The following MACROD2 variants were observed in gnomAD, a reference collection of about 807,000 sequenced individuals.
The protein encoded by MACROD2 is mono-ADP ribosylhydrolase 2.
A neutral mutation model predicts 70.4 loss-of-function variants in MACROD2; 36 were observed. The observed-to-expected ratio is 0.51, with a 90% CI of 0.39 to 0.68. The LOEUF (loss-of-function observed/expected upper bound fraction) is 0.68. MACROD2 is among the 30% of genes least tolerant of loss of function. MACROD2 has a pLI of 0.00. For missense variants in MACROD2, 496 were observed against 538.4 expected (o/e 0.92, Z 0.78); for synonymous variants, 172 against 178.8 (o/e 0.96, Z 0.30).
chr20:15,787,413 A>G (rs890373409), intron 8 of MACROD2, among the ~76,000 whole-genome samples: 5 of 152,168 alleles, frequency 3.3e-5, no homozygotes, highest in African/African-American at 9.7e-5. Context: ...CCATCACTCA[A>G]ATAGTGAACA....
intron 8 of MACROD2, among the ~76,000 whole-genome samples, chr20:15,714,459 CAA>C (rs1025308414): frequency 1.3e-5 from 2 of 152,006 alleles, no homozygotes; most frequent in Non-Finnish European, 2.9e-5. Flanking sequence ...AGCCAGAAGC[CAA>C]AGATACTTAA....
At chr20:15,770,049 T>C (rs2051595858) in intron 8 of MACROD2, among the ~76,000 whole-genome samples, 3 of 151,676 alleles carry the variant, frequency 2.0e-5, no homozygotes, top group African/African-American at 4.8e-5. Context: ...TGCTAGGTTT[T>C]CTTGCCCATA....
intron 6 of MACROD2, among the ~76,000 whole-genome samples, chr20:15,366,255 T>C (rs1445882824): frequency 1.3e-5 from 2 of 152,194 alleles, no homozygotes; most frequent in East Asian, 3.8e-4. Flanking sequence ...ATCTCCTTTT[T>C]TTCAGTAATT....
At chr20:15,390,224 CAG>C (rs1432402261) in intron 6 of MACROD2, among the ~76,000 whole-genome samples, 6 of 152,264 alleles carry the variant, frequency 3.9e-5, no homozygotes, top group Admixed American at 3.3e-4. Flanking sequence ...ACTATTACGG[CAG>C]AGTCCCCTCC....
chr20:15,417,465 G>A (rs1473610621), intron 6 of MACROD2, among the ~76,000 whole-genome samples: 1 of 151,546 alleles, frequency 6.6e-6, no homozygotes, highest in Non-Finnish European at 1.5e-5. Flanking sequence ...GGGTATGCTG[G>A]TGCGTGCCTG....
At chr20:14,348,261 T>A (rs1189395386) in intron 3 of MACROD2, among the ~76,000 whole-genome samples, 6 of 114,796 alleles carry the variant, frequency 5.2e-5, no homozygotes, top group Non-Finnish European at 1.1e-4. Flanking sequence ...AGAGCAAGAC[T>A]CCGTCTCAAA....
Position 15,457,925 on chromosome 20 carries a change from G to C in MACROD2, c.571+26490G>C, listed in dbSNP as rs534895629. 2.1e-3 allele frequency among the ~76,000 whole-genome samples: 310 copies of C among 149,920 alleles called. 2 individuals are homozygous for C. The highest frequency in any genetic ancestry group is 3.0e-3 in the Non-Finnish European group (205 of 67,648). On this transcript the variant is annotated intron_variant, in intron 7 of 17. Coordinates refer to ENST00000684519, the MANE Select transcript of MACROD2 (RefSeq NM_001351661.2). ...GAGATAACATAATATAACCTAACAG[G>C]GTTGTTCTTTCTGCACCTTAAATGA...
intron 5 of MACROD2, among the ~76,000 whole-genome samples, chr20:14,845,179 T>A (rs946290887): frequency 6.6e-6 from 1 of 152,148 alleles, no homozygotes; most frequent in Non-Finnish European, 1.5e-5. Context: ...GTATGTAATT[T>A]AAAAAATTAC....
intron 2 of MACROD2, among the ~76,000 whole-genome samples, chr20:14,022,027 C>G (rs2053089819): frequency 6.6e-6 from 1 of 151,982 alleles, no homozygotes; most frequent in Non-Finnish European, 1.5e-5. Context: ...AGTCATACGG[C>G]CATATTTAAT....
intron 8 of MACROD2, among the ~76,000 whole-genome samples, chr20:15,854,665 G>T (rs952104938): frequency 6.6e-6 from 1 of 152,200 alleles, no homozygotes; most frequent in Non-Finnish European, 1.5e-5. Flanking sequence ...TGGGAGAAGA[G>T]CAGATTGCTC....
At chr20:14,416,339 GT>G (rs1040785752) in intron 3 of MACROD2, among the ~76,000 whole-genome samples, 16 of 152,190 alleles carry the variant, frequency 1.1e-4, no homozygotes, top group Admixed American at 3.3e-4. Context: ...ACATTCTGCT[GT>G]TTTTTCCCCC....
chr20:15,154,438 A>G (rs1051011747), intron 5 of MACROD2, among the ~76,000 whole-genome samples: 1 of 152,210 alleles, frequency 6.6e-6, no homozygotes, highest in African/African-American at 2.4e-5. Flanking sequence ...GAGTCACATG[A>G]CATTAGCACT....
chr20:15,221,826 T>G (rs1456360688), intron 5 of MACROD2, among the ~76,000 whole-genome samples: 1 of 152,176 alleles, frequency 6.6e-6, no homozygotes, highest in African/African-American at 2.4e-5. Context: ...CATAATAACA[T>G]TATCACATTC....
At chr20:14,548,962 T>G (rs991585650) in intron 4 of MACROD2, among the ~76,000 whole-genome samples, 4 of 152,296 alleles carry the variant, frequency 2.6e-5, no homozygotes, top group Admixed American at 2.0e-4. Flanking sequence ...GTGAGAGCAC[T>G]GGAGGACATG....
intron 4 of MACROD2, among the ~76,000 whole-genome samples, chr20:14,625,404 G>T (rs2091974073): frequency 6.6e-6 from 1 of 152,054 alleles, no homozygotes; most frequent in African/African-American, 2.4e-5. Context: ...CTATTGAATG[G>T]TCATGAAGTG....
At chr20:14,550,111 C>T (rs368178385) in intron 4 of MACROD2, among the ~76,000 whole-genome samples, 3 of 151,696 alleles carry the variant, frequency 2.0e-5, no homozygotes, top group East Asian at 1.9e-4. Flanking sequence ...TTAGTATAGA[C>T]GGGGTTTCAC....
At chr20:14,837,043 G>A (rs2073037335) in intron 5 of MACROD2, among the ~76,000 whole-genome samples, 1 of 149,334 alleles carries the variant, frequency 6.7e-6, no homozygotes, top group African/African-American at 2.4e-5. Context: ...GTATTGATCT[G>A]TAAATTAAAG....
intron 3 of MACROD2, among the ~76,000 whole-genome samples, chr20:14,328,090 T>C (rs1478780322): frequency 6.6e-6 from 1 of 152,102 alleles, no homozygotes; most frequent in African/African-American, 2.4e-5. Context: ...CAGGAATAGT[T>C]ACACACATCT....
chr20:14,994,962 G>A (rs2122880332), intron 5 of MACROD2, among the ~76,000 whole-genome samples: 1 of 152,034 alleles, frequency 6.6e-6, no homozygotes, highest in East Asian at 1.9e-4. Context: ...AACACAGTGA[G>A]ACTTTGTCTC....
Sources: gnomAD v4.1 joint callset for allele counts (sites outside exome capture counted in the v4.1 genomes callset) on GRCh38, gnomAD v4.1.1 for gene constraint, MANE v1.5 for transcripts, NCBI Gene and HGNC (gene_info 2026-07-23, HGNC 2026-07-21) for gene names.